Variants in NRXN1 observed in about 807,000 individuals in gnomAD.
The protein encoded by NRXN1 is neurexin-1.
NRXN1 carries 39 observed loss-of-function variants against 150.9 expected under a neutral mutation model. The ratio of observed to expected loss-of-function variants is 0.26; its 90% CI spans 0.20 to 0.34. NRXN1 has a LOEUF of 0.34. Among genes scored for constraint, NRXN1 ranks in the 10% least tolerant of loss-of-function variants. NRXN1 has a pLI of 1.00. For missense variants in NRXN1, 1,815 were observed against 1,949.9 expected (o/e 0.93, Z 1.30); for synonymous variants, 924 against 757.0 (o/e 1.22, Z -3.62).
intron 18 of NRXN1, among the ~76,000 whole-genome samples, chr2:50,139,353 G>C (rs1221061809): frequency 1.3e-5 from 2 of 148,278 alleles, no homozygotes; most frequent in African/African-American, 2.5e-5. Flanking sequence ...AAAAGGTACT[G>C]CATGGGCCAT....
At chr2:50,900,614 G>T (rs185237112) in intron 5 of NRXN1, among the ~76,000 whole-genome samples, 1 of 152,052 alleles carries the variant, frequency 6.6e-6, no homozygotes, top group Non-Finnish European at 1.5e-5. Flanking sequence ...GTCAGAGTGA[G>T]GATTAAAAGT....
chr2:50,184,804 T>C (rs1350943743), intron 18 of NRXN1, among the ~76,000 whole-genome samples: 1 of 152,086 alleles, frequency 6.6e-6, no homozygotes, highest in Non-Finnish European at 1.5e-5. Flanking sequence ...TATTAACTCC[T>C]GATGACCCTA....
chr2:50,304,532 G>GC (rs1360655803), intron 17 of NRXN1, among the ~76,000 whole-genome samples: 1 of 152,130 alleles, frequency 6.6e-6, no homozygotes, highest in Non-Finnish European at 1.5e-5. Context: ...CAGCATTTGT[G>GC]CTCAGGGACT....
chr2:50,174,990 A>G (rs1361464023), intron 18 of NRXN1: 1 of 152,188 alleles, frequency 6.6e-6, no homozygotes, highest in South Asian at 2.1e-4. Flanking sequence ...ACAAGCCTGT[A>G]ATGTGGGTAG....
At chr2:50,880,597 T>C (rs1679289799) in intron 5 of NRXN1, among the ~76,000 whole-genome samples, 1 of 151,938 alleles carries the variant, frequency 6.6e-6, no homozygotes, top group African/African-American at 2.4e-5. Context: ...GTTTCTGAGG[T>C]TCTTCATATT....
intron 17 of NRXN1, among the ~76,000 whole-genome samples, chr2:50,371,405 T>G (rs942595613): frequency 1.3e-5 from 2 of 152,032 alleles, no homozygotes; most frequent in Non-Finnish European, 2.9e-5. Context: ...TTGATTATCC[T>G]GAGAATATGC....
chr2:50,347,468 G>A lies in NRXN1; in HGVS notation c.3365-110498C>T. 9.2e-7 allele frequency: 1 copy of A among 1,089,444 alleles called. No homozygotes were observed. Among genetic ancestry groups the A allele is most frequent in the Non-Finnish European group, 1.1e-6 (1 of 890,218 alleles). The allele number at this position is 1,089,444 out of a possible 1,614,324, so 67.5% of individuals were successfully genotyped here. A position where few individuals can be genotyped will look rare whatever the true frequency, so the allele number is the denominator to read the frequency against. ...CCAACCTCCTTTCAAGACAGAAGCA[G>A]ACCCCATGGAATCCAGGCGCCCCTT... is the stretch of plus-strand genomic sequence containing the variant. On this transcript the variant is annotated intron_variant, in intron 17 of 22. Coordinates refer to ENST00000401669, the MANE Select transcript of NRXN1 (RefSeq NM_001330078.2). The surrounding 1 kb of genome is among the most constrained non-coding windows in gnomAD (Gnocchi z 4.9).
In NRXN1 at chr2:50,570,504, G is replaced by C. The variant is rs1670509440; in HGVS notation, c.1321-17479C>G. 3.3e-5 allele frequency among the ~76,000 whole-genome samples: 5 copies of C among 152,070 alleles called. No homozygotes were observed. The South Asian group carries it at 1.0e-3, about 32-fold the overall frequency. ...ACAAGAGAAAAATTTTACCCTTTGT[G>C]AATTTAGAGGTGTTTTCATGACTAG... On this transcript the variant is annotated intron_variant, in intron 8 of 22. Coordinates refer to ENST00000401669, the MANE Select transcript of NRXN1 (RefSeq NM_001330078.2).
chr2:50,542,291 A>AAG (rs3052540), intron 9 of NRXN1, among the ~76,000 whole-genome samples: 6,521 of 151,374 alleles, frequency 0.043, 443 homozygotes, highest in African/African-American at 0.15. Context: ...GAAAGAAAGA[A>AAG]AGAGAGAGAG....
chr2:50,052,038 T>A (rs534839616), intron 21 of NRXN1, among the ~76,000 whole-genome samples: 1 of 152,234 alleles, frequency 6.6e-6, no homozygotes, highest in African/African-American at 2.4e-5. Flanking sequence ...TCATCTATTC[T>A]GTTCCTCTCA....
At chr2:50,225,251 A>G (rs573458200) in intron 18 of NRXN1, among the ~76,000 whole-genome samples, 2 of 151,998 alleles carry the variant, frequency 1.3e-5, no homozygotes, top group East Asian at 3.9e-4. Flanking sequence ...GCAGGAGGGC[A>G]AGAGAGGCCA....
At chr2:50,253,962 T>C (rs1184686341) in intron 17 of NRXN1, among the ~76,000 whole-genome samples, 2 of 150,928 alleles carry the variant, frequency 1.3e-5, no homozygotes, top group Admixed American at 1.3e-4. Flanking sequence ...TCCTTTTCAA[T>C]TGTTTGGAAT....
chr2:50,198,621 G>A (rs986699768), intron 18 of NRXN1, among the ~76,000 whole-genome samples: 3 of 152,112 alleles, frequency 2.0e-5, no homozygotes, highest in African/African-American at 4.8e-5. Flanking sequence ...TTGCTTTCCA[G>A]CTTCAAGCAG....
chr2:50,362,669 C>A (rs2079304894), intron 17 of NRXN1, among the ~76,000 whole-genome samples: 2 of 152,106 alleles, frequency 1.3e-5, no homozygotes, highest in African/African-American at 4.8e-5. Context: ...CCATACTGCC[C>A]AAAGTAATTT....
At chr2:50,766,857 G>A in intron 5 of NRXN1, among the ~76,000 whole-genome samples, 1 of 151,984 alleles carries the variant, frequency 6.6e-6, no homozygotes, top group Non-Finnish European at 1.5e-5. Context: ...AGTAATTAGT[G>A]AAAGTATTAC....
At chr2:50,958,242 ACTC>A (rs761248446) in intron 2 of NRXN1, among the ~76,000 whole-genome samples, 1 of 151,926 alleles carries the variant, frequency 6.6e-6, no homozygotes, top group Non-Finnish European at 1.5e-5. Flanking sequence ...GCAAAATAAA[ACTC>A]CTTGCTTTGG....
chr2:50,443,208 A>T (rs961887607), intron 17 of NRXN1, among the ~76,000 whole-genome samples: 14 of 152,192 alleles, frequency 9.2e-5, no homozygotes, highest in African/African-American at 3.4e-4. Flanking sequence ...TAATATTGAC[A>T]ATTCAAGGGG....
At chr2:50,975,306 T>G (rs1341703521) in intron 2 of NRXN1, among the ~76,000 whole-genome samples, 3 of 152,084 alleles carry the variant, frequency 2.0e-5, no homozygotes, top group African/African-American at 7.2e-5. Flanking sequence ...ATTTAAGAAC[T>G]TAAAGAGATC....
intron 2 of NRXN1, among the ~76,000 whole-genome samples, chr2:50,965,018 T>C (rs186415931): frequency 4.6e-5 from 7 of 151,522 alleles, no homozygotes; most frequent in Admixed American, 4.0e-4. Flanking sequence ...ACACATTAGG[T>C]GCACTTCTCA....
Sources: allele counts gnomAD v4.1 joint callset (sites outside exome capture counted in the v4.1 genomes callset), GRCh38; gene constraint gnomAD v4.1.1; non-coding constraint Gnocchi (gnomAD v3.1); transcripts MANE v1.5; gene names NCBI Gene and HGNC (gene_info 2026-07-23, HGNC 2026-07-21).